SNX13: variants seen among roughly 807,000 people sequenced by gnomAD.
The protein encoded by SNX13 is sorting nexin 13, also known as sorting nexin-13.
SNX13 carries 45 observed loss-of-function variants against 133.6 expected under a neutral mutation model. The ratio of observed to expected loss-of-function variants is 0.34; its 90% CI spans 0.27 to 0.43. The LOEUF is 0.43. Among genes scored for constraint, SNX13 ranks in the 20% least tolerant of loss-of-function variants. SNX13 has a pLI of 1.00. For missense variants in SNX13, 1,032 were observed against 1,145.1 expected, an observed-to-expected ratio of 0.90 and a Z score of 1.43; for synonymous variants, 414 against 373.9, an observed-to-expected ratio of 1.11 and a Z score of -1.24.
At chr7:17,925,675 T>C (rs1800665932) in intron 1 of SNX13, among the ~76,000 whole-genome samples, 1 of 152,190 alleles carries the variant, frequency 6.6e-6, no homozygotes, top group Middle Eastern at 3.2e-3. Context: ...GTATGGATTA[T>C]CACACCTTGT....
intron 5 of SNX13, among the ~76,000 whole-genome samples, chr7:17,884,776 A>G (rs897470573): frequency 6.6e-6 from 1 of 152,230 alleles, no homozygotes; most frequent in African/African-American, 2.4e-5. Flanking sequence ...AAGATGCTCG[A>G]TATCACTAGC....
chr7:17,830,025 T>G lies in SNX13; in HGVS notation c.1620A>C (p.Thr540=). Reference sequence around the variant, plus strand: ...TAGTACTTACCAAATTTATGCTTCCTGTAGGAGACCCATTAAAAGATTCTG... The same window carrying G: ...TAGTACTTACCAAATTTATGCTTCCGGTAGGAGACCCATTAAAAGATTCTG... ...GDGESFNGSP[T]GSINLSLDDL... Residue 540 remains threonine (T), a synonymous_variant, in exon 16 of 26, where the codon ACA becomes ACC. Transcript: ENST00000428135. The G allele has an allele frequency of 6.5e-7, 1 of 1,535,940 alleles. No individual in the cohort carries two copies.
chr7:17,931,854 G>GTT (rs1341097291), intron 1 of SNX13, among the ~76,000 whole-genome samples: 1 of 152,068 alleles, frequency 6.6e-6, no homozygotes, highest in African/African-American at 2.4e-5. Context: ...GAACTTTTCT[G>GTT]GTATATATTA....
Position 17,876,127 on chromosome 7 carries a change from A to G in SNX13, c.441-337T>C, listed in dbSNP as rs1269826547. 2.0e-4 allele frequency among the ~76,000 whole-genome samples: 31 copies of G among 152,248 alleles called. 1 individual carries two copies. The highest frequency in any genetic ancestry group is 1.8e-3 in the Admixed American group (28 of 15,286). On this transcript the variant is annotated intron_variant, in intron 5 of 25. Coordinates refer to ENST00000428135, the MANE Select transcript of SNX13 (RefSeq NM_015132.5). The stretch of plus-strand genomic sequence containing the variant: ...TATCATGTAATTTCTCAGCCCCAAC[A>G]TAAGAATACATAAGGAATTCTGAAT...
intron 11 of SNX13, among the ~76,000 whole-genome samples, chr7:17,847,777 C>T (rs1790722725): frequency 6.6e-6 from 1 of 152,128 alleles, no homozygotes; most frequent in Non-Finnish European, 1.5e-5. Context: ...CACTACTCCA[C>T]AAAAAATGCT....
intron 1 of SNX13, among the ~76,000 whole-genome samples, chr7:17,916,515 T>C (rs747748865): frequency 3.6e-4 from 55 of 151,994 alleles, no homozygotes; most frequent in Admixed American, 7.2e-4. Context: ...ATCCTCAGAC[T>C]ACTATAAACA....
chr7:17,834,911 C>G lies in SNX13; in HGVS notation c.1360-46G>C, dbSNP rs777600001. 5 of 1,080,806 alleles carry G rather than the reference C, an allele frequency of 4.6e-6. No homozygotes were observed. In the East Asian group the frequency reaches 1.2e-4, roughly 26 times the overall value. The allele number at this position is 1,080,806 out of a possible 1,614,324, so 67.0% of individuals were successfully genotyped here. A position where few individuals can be genotyped will look rare whatever the true frequency, so the allele number is the denominator to read the frequency against. ...TAATGATCTCTGTAATTTCTTAATA[C>G]AAGATGATACTTGATAGTATGATAA... On this transcript the variant is annotated intron_variant, in intron 13 of 25. Coordinates refer to ENST00000428135, the MANE Select transcript of SNX13 (RefSeq NM_015132.5).
chr7:17,937,315 C>T (rs1167531597), intron 1 of SNX13, among the ~76,000 whole-genome samples: 1 of 151,794 alleles, frequency 6.6e-6, no homozygotes, highest in East Asian at 1.9e-4. Context: ...CTTAATTGAT[C>T]ACTTGTGTGG....
chr7:17,897,235 GCATT>G (rs879093881), intron 2 of SNX13, 95 bp downstream of exon 2: 2 of 542,476 alleles, frequency 3.7e-6, no homozygotes, highest in South Asian at 1.6e-4. Context: ...ATTAAAAATG[GCATT>G]CACAAATAAA....
At chr7:17,813,838 A>G (rs1015447682) in intron 20 of SNX13, among the ~76,000 whole-genome samples, 1 of 152,098 alleles carries the variant, frequency 6.6e-6, no homozygotes, top group African/African-American at 2.4e-5. Flanking sequence ...CACCCACCTC[A>G]GCTTCCCAAA....
At chr7:17,921,012 C>A (rs190748211) in intron 1 of SNX13, among the ~76,000 whole-genome samples, 1 of 152,328 alleles carries the variant, frequency 6.6e-6, no homozygotes, top group Admixed American at 6.5e-5. Context: ...AACCTTAAGA[C>A]TTCACAGCCT....
intron 20 of SNX13, among the ~76,000 whole-genome samples, chr7:17,813,933 T>G (rs929110404): frequency 6.6e-6 from 1 of 152,148 alleles, no homozygotes; most frequent in Non-Finnish European, 1.5e-5. Context: ...ATGAATTCCT[T>G]AATCTTTTTA....
intron 20 of SNX13, among the ~76,000 whole-genome samples, chr7:17,808,125 G>A (rs1049414694): frequency 6.6e-6 from 1 of 152,202 alleles, no homozygotes; most frequent in Non-Finnish European, 1.5e-5. Flanking sequence ...ACTGACAGAA[G>A]TAAGCTTCAG....
chr7:17,873,734 TA>T, intron 7 of SNX13, 118 bp from the exon 8 acceptor site: 1 of 514,878 alleles, frequency 1.9e-6, no homozygotes, highest in South Asian at 4.1e-5. Context: ...TACAATGGCT[TA>T]TTTTAGTAAT....
intron 1 of SNX13, among the ~76,000 whole-genome samples, chr7:17,925,920 C>T (rs1249626626): frequency 6.6e-6 from 1 of 152,148 alleles, no homozygotes; most frequent in Non-Finnish European, 1.5e-5. Context: ...GGAAAATTTG[C>T]ACATACCAAG....
intron 1 of SNX13, among the ~76,000 whole-genome samples, chr7:17,916,202 T>A (rs1039090883): frequency 2.0e-5 from 3 of 149,802 alleles, no homozygotes; most frequent in Non-Finnish European, 3.0e-5. Flanking sequence ...AGACGTCCAA[T>A]TAACAACCTC....
intron 13 of SNX13, 75 bp from the exon 14 acceptor site, chr7:17,834,940 T>C (rs1788967184): frequency 2.4e-6 from 2 of 838,102 alleles, no homozygotes; most frequent in Non-Finnish European, 3.7e-6. Flanking sequence ...ATGATAATAA[T>C]GGAATCATAT....
At chr7:17,918,706 G>T (rs1219270584) in intron 1 of SNX13, among the ~76,000 whole-genome samples, 2 of 152,114 alleles carry the variant, frequency 1.3e-5, no homozygotes, top group Admixed American at 6.6e-5. Flanking sequence ...ATTTCTTAAA[G>T]AACTAAAAAT....
chr7:17,875,153 A>G (rs1794573293), intron 7 of SNX13, among the ~76,000 whole-genome samples: 2 of 152,142 alleles, frequency 1.3e-5, no homozygotes, highest in East Asian at 3.9e-4. Context: ...CTTTTAGTAG[A>G]GACAGGGTTT....
Sources: allele counts gnomAD v4.1 joint callset (sites outside exome capture counted in the v4.1 genomes callset), GRCh38; gene constraint gnomAD v4.1.1; transcripts MANE v1.5; gene names NCBI Gene and HGNC (gene_info 2026-07-23, HGNC 2026-07-21).